The following PDE3A variants were observed in gnomAD, a reference collection of about 807,000 sequenced individuals.
The protein encoded by PDE3A is cGMP-inhibited 3',5'-cyclic phosphodiesterase 3A.
A neutral mutation model predicts 98.3 loss-of-function variants in PDE3A; 43 were observed. The ratio of observed to expected loss-of-function variants is 0.44; its 90% CI spans 0.34 to 0.56. PDE3A has a LOEUF of 0.56. PDE3A is among the 20% of genes least tolerant of loss of function. The probability of loss-of-function intolerance (pLI) is 0.01; values close to 1 mark genes in which losing one functional copy is unlikely to be tolerated. For missense variants in PDE3A, 1,427 were observed against 1,440.7 expected (o/e 0.99, Z 0.15); for synonymous variants, 663 against 567.9 (o/e 1.17, Z -2.38).
intron 1 of PDE3A, among the ~76,000 whole-genome samples, chr12:20,443,205 A>G (rs1944898637): frequency 6.6e-6 from 1 of 152,088 alleles, no homozygotes; most frequent in Non-Finnish European, 1.5e-5. Flanking sequence ...TTTGCAAGAA[A>G]TTATATAGAA....
intron 8 of PDE3A, 80 bp from the exon 9 acceptor site, chr12:20,637,020 G>A (rs1944529266): frequency 1.1e-6 from 1 of 891,524 alleles, no homozygotes. Context: ...AGCCACAGTT[G>A]TTATTGAATT....
At chr12:20,592,096 A>C (rs1235236502) in intron 2 of PDE3A, among the ~76,000 whole-genome samples, 1 of 152,186 alleles carries the variant, frequency 6.6e-6, no homozygotes, top group Non-Finnish European at 1.5e-5. Context: ...TCTTCCAAGC[A>C]GAAAGACAAT....
At chr12:20,547,154 T>C (rs1421727653) in intron 1 of PDE3A, among the ~76,000 whole-genome samples, 1 of 152,102 alleles carries the variant, frequency 6.6e-6, no homozygotes, top group African/African-American at 2.4e-5. Flanking sequence ...TCTGATAAAA[T>C]GTCACTTTTT....
intron 1 of PDE3A, among the ~76,000 whole-genome samples, chr12:20,390,930 C>G (rs1366083199): frequency 1.3e-5 from 2 of 151,818 alleles, no homozygotes; most frequent in Non-Finnish European, 2.9e-5. Flanking sequence ...AAGCACGGTC[C>G]TAAATCTTAC....
chr12:20,432,009 T>G (rs961109427), intron 1 of PDE3A, among the ~76,000 whole-genome samples: 4 of 152,208 alleles, frequency 2.6e-5, no homozygotes, highest in Non-Finnish European at 1.5e-5. Context: ...ATGGTTTCTT[T>G]TTTTTACAAA....
intron 2 of PDE3A, among the ~76,000 whole-genome samples, chr12:20,601,102 C>G (rs1943580262): frequency 6.6e-6 from 1 of 152,144 alleles, no homozygotes; most frequent in African/African-American, 2.4e-5. Context: ...GAAGACAGAC[C>G]ATCACATATA....
In PDE3A at chr12:20,556,659, G is replaced by A. The variant is rs1383163971; in HGVS notation, c.961-1G>A. 10 of 1,579,516 alleles carry A rather than the reference G, an allele frequency of 6.3e-6. No homozygotes were observed. Among genetic ancestry groups the A allele is most frequent in the Non-Finnish European group, 8.7e-6 (10 of 1,149,040 alleles). On this transcript the variant is annotated splice_acceptor_variant, in intron 1 of 15. Coordinates refer to ENST00000359062, the MANE Select transcript of PDE3A (RefSeq NM_000921.5). LOFTEE classifies it high-confidence loss of function. ...ACTTATTATAATTTTCATCTTTCCA[G>A]CTCATGGGGCATTCAGAATGGGACC...
At chr12:20,659,519 G>C (rs1425223967) in intron 15 of PDE3A, among the ~76,000 whole-genome samples, 1 of 151,522 alleles carries the variant, frequency 6.6e-6, no homozygotes, top group Non-Finnish European at 1.5e-5. Context: ...TCATTAAATA[G>C]ACCCAAATAT....
intron 2 of PDE3A, among the ~76,000 whole-genome samples, chr12:20,570,312 G>A (rs187256615): frequency 7.5e-4 from 111 of 147,334 alleles, no homozygotes; most frequent in African/African-American, 2.6e-3. Context: ...GAAGGCTGAG[G>A]CAGGAGAATC....
Position 20,460,755 on chromosome 12 carries a change from C to T in PDE3A, c.960+90511C>T, listed in dbSNP as rs542923183. Among the ~76,000 whole-genome samples, 7 of 152,172 alleles carry T rather than the reference C, an allele frequency of 4.6e-5. No homozygotes were observed. The South Asian group carries it at 1.5e-3, about 32-fold the overall frequency. ...TGATTATTTTAAAGCCTGTGTAGTT[C>T]ATCAGTTTAAGTAGGGAAGTGGAAC... On this transcript the variant is annotated intron_variant, in intron 1 of 15. Coordinates refer to ENST00000359062, the MANE Select transcript of PDE3A (RefSeq NM_000921.5).
At chr12:20,666,515 A>G (rs1945316805) in intron 15 of PDE3A, among the ~76,000 whole-genome samples, 1 of 146,670 alleles carries the variant, frequency 6.8e-6, no homozygotes, top group Non-Finnish European at 1.5e-5. Flanking sequence ...CCCACATAAG[A>G]GTGAGAGCAT....
chr12:20,609,939 A>AACTTAACTT, intron 2 of PDE3A, among the ~76,000 whole-genome samples: 1 of 151,792 alleles, frequency 6.6e-6, no homozygotes, highest in East Asian at 1.9e-4. Flanking sequence ...GAAACCGTGA[A>AACTTAACTT]ACTTATAGAA....
At chr12:20,528,443 G>T (rs182385250) in intron 1 of PDE3A, among the ~76,000 whole-genome samples, 1 of 152,208 alleles carries the variant, frequency 6.6e-6, no homozygotes, top group African/African-American at 2.4e-5. Context: ...GGACAGAGAA[G>T]TTCAACCTAG....
intron 11 of PDE3A, 61 bp from the exon 12 acceptor site, chr12:20,646,685 GAAGTC>G (rs1348561111): frequency 1.4e-6 from 2 of 1,416,032 alleles, no homozygotes; most frequent in East Asian, 2.3e-5. Flanking sequence ...CAAAAAGAAA[GAAGTC>G]AAGACAAATA....
chr12:20,510,714 C>G (rs1007014753), intron 1 of PDE3A, among the ~76,000 whole-genome samples: 1 of 151,952 alleles, frequency 6.6e-6, no homozygotes, highest in African/African-American at 2.4e-5. Flanking sequence ...ATAGAAGATA[C>G]AGAGAGTTAT....
At chr12:20,402,195 TC>T (rs1168746079) in intron 1 of PDE3A, among the ~76,000 whole-genome samples, 1 of 152,014 alleles carries the variant, frequency 6.6e-6, no homozygotes, top group African/African-American at 2.4e-5. Context: ...AGAGTCTCAC[TC>T]TGCTGTGCAG....
chr12:20,513,841 T>C (rs1946269955), intron 1 of PDE3A, among the ~76,000 whole-genome samples: 2 of 152,220 alleles, frequency 1.3e-5, no homozygotes, highest in African/African-American at 4.8e-5. Flanking sequence ...AATGATGCCA[T>C]TAAATGAGAT....
chr12:20,524,057 C>T (rs1414936031), intron 1 of PDE3A, among the ~76,000 whole-genome samples: 2 of 152,098 alleles, frequency 1.3e-5, no homozygotes, highest in African/African-American at 4.8e-5. Flanking sequence ...AGTCTTGAAC[C>T]CTAGTTACCA....
intron 2 of PDE3A, among the ~76,000 whole-genome samples, chr12:20,613,148 C>T (rs1464604659): frequency 6.6e-6 from 1 of 152,010 alleles, no homozygotes; most frequent in African/African-American, 2.4e-5. Context: ...AGTTTTTCTT[C>T]CCCAGATCTC....
Sources: allele counts gnomAD v4.1 joint callset (sites outside exome capture counted in the v4.1 genomes callset), GRCh38; gene constraint gnomAD v4.1.1; transcripts MANE v1.5; gene names NCBI Gene and HGNC (gene_info 2026-07-23, HGNC 2026-07-21).